Variants in MTUS2 observed in about 807,000 individuals in gnomAD.
The protein encoded by MTUS2 is microtubule-associated tumor suppressor candidate 2.
MTUS2 carries 40 observed loss-of-function variants against 114.1 expected under a neutral mutation model. The ratio of observed to expected loss-of-function variants is 0.35; its 90% CI spans 0.27 to 0.46. The LOEUF (loss-of-function observed/expected upper bound fraction) is 0.46. Among genes scored for constraint, MTUS2 ranks in the 20% least tolerant of loss-of-function variants. The pLI is 1.00. For missense variants in MTUS2, 1,679 were observed against 1,705.4 expected (o/e 0.98, Z 0.27); for synonymous variants, 688 against 672.0 (o/e 1.02, Z -0.37).
At chr13:28,866,936 C>G (rs1877333664) in intron 2 of MTUS2, among the ~76,000 whole-genome samples, 1 of 152,164 alleles carries the variant, frequency 6.6e-6, no homozygotes, top group African/African-American at 2.4e-5. Flanking sequence ...TTTTTAAGGA[C>G]AGCAGTAGGA....
intron 8 of MTUS2, among the ~76,000 whole-genome samples, chr13:29,395,707 C>A (rs1873866524): frequency 1.3e-5 from 2 of 152,186 alleles, no homozygotes; most frequent in Admixed American, 1.3e-4. Context: ...TTAACAAACC[C>A]TTCTGGGGAT....
intron 2 of MTUS2, among the ~76,000 whole-genome samples, chr13:29,018,628 C>T (rs113383657): frequency 1.2e-3 from 177 of 152,040 alleles, no homozygotes; most frequent in African/African-American, 4.0e-3. Flanking sequence ...GGCGTGGTGG[C>T]GTGCGCCTGT....
intron 5 of MTUS2, among the ~76,000 whole-genome samples, chr13:29,204,280 G>A (rs908046735): frequency 5.3e-5 from 8 of 152,052 alleles, no homozygotes; most frequent in African/African-American, 1.7e-4. Context: ...GCTTCTATTC[G>A]GCCATCTTGC....
intron 2 of MTUS2, among the ~76,000 whole-genome samples, chr13:28,977,123 A>G (rs9579256): frequency 0.18 from 26,618 of 152,018 alleles, 2,875 homozygotes; most frequent in East Asian, 0.52. Context: ...TCACAAATGC[A>G]GGTGAGGGAG....
chr13:28,960,775 GT>G (rs1480052502), intron 2 of MTUS2, among the ~76,000 whole-genome samples: 1 of 152,188 alleles, frequency 6.6e-6, no homozygotes, highest in Non-Finnish European at 1.5e-5. Flanking sequence ...GCATTAGGTA[GT>G]GGTAGTTGTT....
At chr13:29,391,478 G>T (rs544212200) in intron 8 of MTUS2, among the ~76,000 whole-genome samples, 3 of 152,246 alleles carry the variant, frequency 2.0e-5, no homozygotes, top group Admixed American at 2.0e-4. Flanking sequence ...CTGGAGTAAG[G>T]AGCTGCATGT....
intron 4 of MTUS2, among the ~76,000 whole-genome samples, chr13:29,070,342 A>C (rs1479961041): frequency 1.3e-5 from 2 of 152,154 alleles, no homozygotes; most frequent in African/African-American, 4.8e-5. Context: ...CCTAAGAGAG[A>C]GTTCAAAGAA....
chr13:29,228,683 T>G (rs1189035171), intron 5 of MTUS2, among the ~76,000 whole-genome samples: 1 of 151,844 alleles, frequency 6.6e-6, no homozygotes, highest in Non-Finnish European at 1.5e-5. Context: ...ACTCACCAGG[T>G]TGTCTGAGGT....
In MTUS2 at chr13:29,026,000, C is replaced by A; in HGVS notation, c.1302C>A (p.Asp434Glu). 1 of 1,613,990 alleles carries A rather than the reference C, an allele frequency of 6.2e-7. No individual in the cohort carries two copies. The highest frequency in any genetic ancestry group is 8.5e-7 in the Non-Finnish European group (1 of 1,179,888). Residue 434 changes from aspartate to glutamate, a missense_variant, in exon 3 of 16, where the codon GAC becomes GAA. Physicochemically the swap from Asp to Glu is conservative, Grantham distance 45 (BLOSUM62 2). Around this residue, in one of 3 missense-constraint regions of MTUS2, gnomAD observed 843 missense variants for 770.8 expected, o/e 1.09. Coordinates refer to ENST00000612955, the MANE Select transcript of MTUS2 (RefSeq NM_001033602.4). ...CATCCAGCAGCTTTTCACCAGGTGA[C>A]AGTCATGTGGCTTTTATTCCTAATA... Reference protein sequence around the residue: ...ERTSSSFSPGDSHVAFIPNNL... With the variant: ...ERTSSSFSPGESHVAFIPNNL...
At chr13:29,058,491 T>G (rs1444432984) in intron 4 of MTUS2, among the ~76,000 whole-genome samples, 7 of 151,654 alleles carry the variant, frequency 4.6e-5, no homozygotes, top group Non-Finnish European at 1.0e-4. Context: ...ATTGTTTTCT[T>G]TTTATTTTTG....
intron 2 of MTUS2, among the ~76,000 whole-genome samples, chr13:28,916,106 G>A (rs979151537): frequency 6.6e-6 from 1 of 151,800 alleles, no homozygotes; most frequent in Non-Finnish European, 1.5e-5. Flanking sequence ...TGAGTTCGCT[G>A]TAGGTGTTTG....
chr13:28,943,487 G>A lies in MTUS2; in HGVS notation c.-242-80970G>A, dbSNP rs185174810. 3.0e-3 allele frequency among the ~76,000 whole-genome samples: 451 copies of A among 152,286 alleles called. 2 individuals carry two copies. Among genetic ancestry groups the A allele is most frequent in the African/African-American group, 0.01 (432 of 41,550 alleles). On this transcript the variant is annotated intron_variant, in intron 2 of 15. Coordinates refer to ENST00000612955, the MANE Select transcript of MTUS2 (RefSeq NM_001033602.4). ...TTTCAAGTGCTGAGTTGCCAAATGT[G>A]GCTAGGGGTGACATGTTAGACTGCA...
In MTUS2 at chr13:29,026,198, A is replaced by G; in HGVS notation, c.1500A>G (p.Lys500=). ...GCCGCTCAGAAGCACGGGAAAGCAA[A>G]GAGGTCACCACATCTGTTGCTGAAA... The part of the protein sequence containing the change: ...QSGRSEARES[K]EVTTSVAENR... Residue 500 remains lysine (K), a synonymous_variant, in exon 3 of 16, where the codon AAA becomes AAG. Transcript: ENST00000612955. The G allele has an allele frequency of 6.2e-7, 1 of 1,613,972 alleles. No individual in the cohort carries two copies. Among genetic ancestry groups the G allele is most frequent in the Non-Finnish European group, 8.5e-7 (1 of 1,179,872 alleles).
chr13:29,122,802 T>TTAAAGA (rs1484874560), intron 5 of MTUS2, among the ~76,000 whole-genome samples: 41 of 152,380 alleles, frequency 2.7e-4, no homozygotes, highest in African/African-American at 9.6e-4. Flanking sequence ...GGTGCTACTT[T>TTAAAGA]ATTTAAATAA....
chr13:28,840,621 G>A (rs1489944224), intron 2 of MTUS2, among the ~76,000 whole-genome samples: 1 of 152,206 alleles, frequency 6.6e-6, no homozygotes, highest in Non-Finnish European at 1.5e-5. Context: ...GTAGAGAGAT[G>A]CTCATGATGA....
At chr13:28,922,569 G>T (rs1339650289) in intron 2 of MTUS2, among the ~76,000 whole-genome samples, 1 of 152,142 alleles carries the variant, frequency 6.6e-6, no homozygotes, top group East Asian at 1.9e-4. Flanking sequence ...GTGGGCATCT[G>T]CTGGGTGCGC....
intron 2 of MTUS2, among the ~76,000 whole-genome samples, chr13:28,862,096 C>A (rs564768979): frequency 6.6e-6 from 1 of 152,184 alleles, no homozygotes; most frequent in African/African-American, 2.4e-5. Flanking sequence ...CTATAGATAC[C>A]CCCTTGGCCT....
chr13:28,837,586 C>T (rs1390308529), intron 1 of MTUS2, among the ~76,000 whole-genome samples: 1 of 152,072 alleles, frequency 6.6e-6, no homozygotes, highest in Non-Finnish European at 1.5e-5. Flanking sequence ...CAGACTTTAG[C>T]CAGTACTCCT....
chr13:28,940,854 A>G (rs1882194849), intron 2 of MTUS2, among the ~76,000 whole-genome samples: 1 of 152,058 alleles, frequency 6.6e-6, no homozygotes, highest in Non-Finnish European at 1.5e-5. Context: ...GTTCCAGAAA[A>G]TGAGTGGGGG....
Sources: allele counts gnomAD v4.1 joint callset (sites outside exome capture counted in the v4.1 genomes callset), GRCh38; gene constraint gnomAD v4.1.1; regional missense constraint gnomAD v4.1.1; transcripts MANE v1.5; gene names NCBI Gene and HGNC (gene_info 2026-07-23, HGNC 2026-07-21).